The following AFG2A variants were observed in gnomAD, a reference collection of about 807,000 sequenced individuals.
The protein encoded by AFG2A is AAA ATPase AFG2A.
chr4:122,959,645 G>C, the AFG2A span, among the ~76,000 whole-genome samples: 1 of 152,172 alleles, frequency 6.6e-6, no homozygotes, highest in African/African-American at 2.4e-5. Context: ...AACATAGTGA[G>C]CTATGCTTCC....
the AFG2A span, among the ~76,000 whole-genome samples, chr4:123,042,435 G>A: frequency 3.9e-5 from 6 of 151,954 alleles, no homozygotes; most frequent in African/African-American, 1.5e-4. Flanking sequence ...ACTTCCCAAG[G>A]GCCCTGTCTT....
chr4:123,079,911 G>A, the AFG2A span, among the ~76,000 whole-genome samples: 2 of 151,236 alleles, frequency 1.3e-5, no homozygotes, highest in Non-Finnish European at 2.9e-5. Context: ...TACCACACCC[G>A]GCTAATTTTT....
At chr4:122,975,095 A>G in the AFG2A span, among the ~76,000 whole-genome samples, 1 of 152,200 alleles carries the variant, frequency 6.6e-6, no homozygotes, top group African/African-American at 2.4e-5. Context: ...CTGCTATAAC[A>G]AAATACCACA....
the AFG2A span, among the ~76,000 whole-genome samples, chr4:123,295,849 C>A: frequency 6.6e-6 from 1 of 152,186 alleles, no homozygotes; most frequent in East Asian, 1.9e-4. Context: ...GAGATCAAGG[C>A]TGCAGTGAGC....
chr4:122,930,374 TTTACA>T, the AFG2A span, among the ~76,000 whole-genome samples: 4 of 151,620 alleles, frequency 2.6e-5, no homozygotes, highest in African/African-American at 9.8e-5. Context: ...GGGGGATGTG[TTTACA>T]TTATATGTGA....
At chr4:123,071,671 G>A in the AFG2A span, among the ~76,000 whole-genome samples, 1 of 152,144 alleles carries the variant, frequency 6.6e-6, no homozygotes, top group Admixed American at 6.5e-5. Flanking sequence ...GTTACATAGA[G>A]CACATGCAGC....
the AFG2A span, among the ~76,000 whole-genome samples, chr4:123,036,825 T>G: frequency 6.6e-6 from 1 of 152,116 alleles, no homozygotes; most frequent in Non-Finnish European, 1.5e-5. Flanking sequence ...CCTCTTGCAT[T>G]TCAGGGTTTT....
the AFG2A span, among the ~76,000 whole-genome samples, chr4:123,215,913 T>C: frequency 6.6e-6 from 1 of 152,182 alleles, no homozygotes; most frequent in African/African-American, 2.4e-5. Flanking sequence ...TTCTCTCTTG[T>C]TTTTTACTTC....
At chr4:123,275,901 A>G in the AFG2A span, among the ~76,000 whole-genome samples, 2 of 152,210 alleles carry the variant, frequency 1.3e-5, no homozygotes, top group South Asian at 4.1e-4. Context: ...ATTAATGAGC[A>G]TCTAGATTGA....
At chr4:123,310,277 G>A in the AFG2A span, among the ~76,000 whole-genome samples, 6 of 152,184 alleles carry the variant, frequency 3.9e-5, no homozygotes, top group African/African-American at 7.2e-5. Flanking sequence ...AGCTTTCACT[G>A]TCATTGTGGC....
the AFG2A span, among the ~76,000 whole-genome samples, chr4:122,969,657 C>T: frequency 1.3e-5 from 2 of 152,134 alleles, no homozygotes; most frequent in Non-Finnish European, 2.9e-5. Flanking sequence ...ATTATTAAGT[C>T]TTTCAATCAA....
chr4:122,934,074 A>G, the AFG2A span: 25 of 1,545,076 alleles, frequency 1.6e-5, no homozygotes, highest in Non-Finnish European at 2.0e-5. Context: ...GCTAACATGT[A>G]TATTTAATAT....
the AFG2A span, among the ~76,000 whole-genome samples, chr4:123,045,821 C>T: frequency 2.0e-5 from 3 of 151,928 alleles, no homozygotes; most frequent in South Asian, 4.1e-4. Context: ...TTTGGCCGGG[C>T]GAGGTGGTTC....
the AFG2A span, among the ~76,000 whole-genome samples, chr4:122,984,984 A>G: frequency 6.6e-6 from 1 of 151,948 alleles, no homozygotes; most frequent in African/African-American, 2.4e-5. Context: ...TGACTTAGGG[A>G]GGGTTCCTTC....
chr4:123,297,607 T>C, the AFG2A span, among the ~76,000 whole-genome samples: 1 of 151,818 alleles, frequency 6.6e-6, no homozygotes, highest in South Asian at 2.1e-4. Flanking sequence ...TAGTCCCAGC[T>C]ACTCCAGAGG....
chr4:123,075,925 C>A, the AFG2A span, among the ~76,000 whole-genome samples: 3 of 150,236 alleles, frequency 2.0e-5, no homozygotes, highest in Non-Finnish European at 4.4e-5. Context: ...CCATTGCACT[C>A]CAGCCTGGGC....
chr4:122,973,543 AT>A, the AFG2A span, among the ~76,000 whole-genome samples: 1 of 151,488 alleles, frequency 6.6e-6, no homozygotes, highest in Non-Finnish European at 1.5e-5. Context: ...TTAGTTAAAC[AT>A]TTTAACTTGG....
chr4:123,203,683 AT>A, the AFG2A span, among the ~76,000 whole-genome samples: 1 of 152,248 alleles, frequency 6.6e-6, no homozygotes, highest in Non-Finnish European at 1.5e-5. Flanking sequence ...GTTTTGGACT[AT>A]TATGAATAAA....
At chr4:123,209,232 G>T in the AFG2A span, among the ~76,000 whole-genome samples, 1 of 152,160 alleles carries the variant, frequency 6.6e-6, no homozygotes, top group African/African-American at 2.4e-5. Context: ...TTGCTGTCGG[G>T]TGTCAGTCTC....
Sources: gnomAD v4.1 joint callset for allele counts (sites outside exome capture counted in the v4.1 genomes callset) on GRCh38, gnomAD v4.1.1 for gene constraint, MANE v1.5 for transcripts, NCBI Gene and HGNC (gene_info 2026-07-23, HGNC 2026-07-21) for gene names.